The following IGSF21 variants were observed in gnomAD, a reference collection of about 807,000 sequenced individuals.
The protein encoded by IGSF21 is immunoglobulin superfamily member 21.
IGSF21 carries 28 observed loss-of-function variants against 46.8 expected under a neutral mutation model. The observed-to-expected ratio is 0.60, with a 90% confidence interval of 0.44 to 0.82. The LOEUF (loss-of-function observed/expected upper bound fraction) is 0.82, where lower values mean the gene tolerates loss of function less well. Among genes scored for constraint, IGSF21 ranks in the 40% least tolerant of loss-of-function variants. The pLI is 0.00. For missense variants in IGSF21, 624 were observed against 665.5 expected, an observed-to-expected ratio of 0.94 and a Z score of 0.69; for synonymous variants, 284 against 273.6, an observed-to-expected ratio of 1.04 and a Z score of -0.38.
chr1:18,368,533 G>C (rs1226424057), intron 6 of IGSF21, among the ~76,000 whole-genome samples: 2 of 117,056 alleles, frequency 1.7e-5, no homozygotes, highest in Non-Finnish European at 3.7e-5. Flanking sequence ...AAAAAGTTGG[G>C]GGGAAAAAAG....
intron 1 of IGSF21, among the ~76,000 whole-genome samples, chr1:18,176,374 G>A (rs954188419): frequency 1.3e-5 from 2 of 152,216 alleles, no homozygotes; most frequent in African/African-American, 2.4e-5. Context: ...AGGCTCTGGG[G>A]CCAAACAGAC....
At chr1:18,259,622 A>G (rs1200469197) in intron 2 of IGSF21, among the ~76,000 whole-genome samples, 4 of 152,126 alleles carry the variant, frequency 2.6e-5, no homozygotes, top group African/African-American at 7.2e-5. Flanking sequence ...CTGACATTTT[A>G]TATAAAGAAG....
At chr1:18,287,419 C>CA (rs546156330) in intron 2 of IGSF21, among the ~76,000 whole-genome samples, 177 of 147,774 alleles carry the variant, frequency 1.2e-3, no homozygotes, top group African/African-American at 2.1e-3. Context: ...ACAAACAAAA[C>CA]AAAAAAAAAA....
chr1:18,325,356 C>G (rs2085647178), intron 3 of IGSF21, among the ~76,000 whole-genome samples: 1 of 152,074 alleles, frequency 6.6e-6, no homozygotes, highest in Admixed American at 6.5e-5. Context: ...AAGGAGACCA[C>G]CCAGTGTGTC....
chr1:18,314,702 G>A (rs912199330), intron 3 of IGSF21, among the ~76,000 whole-genome samples: 4 of 152,178 alleles, frequency 2.6e-5, no homozygotes, highest in Admixed American at 6.5e-5. Flanking sequence ...CAAAGCCTTC[G>A]TCTTCATCAC....
At chr1:18,320,056 T>C (rs981635424) in intron 3 of IGSF21, among the ~76,000 whole-genome samples, 7 of 152,166 alleles carry the variant, frequency 4.6e-5, no homozygotes, top group Non-Finnish European at 1.0e-4. Context: ...GCTATTGCCT[T>C]CTCAGAGCTG....
At chr1:18,222,275 G>A (rs2084517882) in intron 1 of IGSF21, among the ~76,000 whole-genome samples, 1 of 152,132 alleles carries the variant, frequency 6.6e-6, no homozygotes, top group Admixed American at 6.5e-5. Context: ...TCACTTTGTG[G>A]GTCTCCTGAC....
chr1:18,235,363 A>G (rs904938348), intron 2 of IGSF21, among the ~76,000 whole-genome samples: 1 of 152,212 alleles, frequency 6.6e-6, no homozygotes, highest in Non-Finnish European at 1.5e-5. Flanking sequence ...ACAGTTTACC[A>G]TGGGGGAGGA....
At chr1:18,185,011 A>C (rs1303569062) in intron 1 of IGSF21, among the ~76,000 whole-genome samples, 2 of 152,212 alleles carry the variant, frequency 1.3e-5, no homozygotes, top group Non-Finnish European at 2.9e-5. Flanking sequence ...GACAGCTTCA[A>C]GTAGTATTTG....
At chr1:18,131,198 C>A (rs917282098) in intron 1 of IGSF21, among the ~76,000 whole-genome samples, 9 of 152,200 alleles carry the variant, frequency 5.9e-5, no homozygotes, top group African/African-American at 2.2e-4. Flanking sequence ...ATACCTGAGG[C>A]AGATTTTTGT....
intron 1 of IGSF21, among the ~76,000 whole-genome samples, chr1:18,169,264 C>T (rs894249189): frequency 7.2e-5 from 11 of 152,214 alleles, no homozygotes; most frequent in African/African-American, 1.7e-4. Context: ...CTTTGGCGAG[C>T]GGGATCCAGT....
intron 1 of IGSF21, among the ~76,000 whole-genome samples, chr1:18,211,120 C>T (rs913901055): frequency 6.6e-6 from 1 of 152,222 alleles, no homozygotes; most frequent in African/African-American, 2.4e-5. Context: ...GATCCGCCCT[C>T]CTTGGCCTCC....
chr1:18,154,987 G>C (rs2086555529), intron 1 of IGSF21, among the ~76,000 whole-genome samples: 1 of 151,942 alleles, frequency 6.6e-6, no homozygotes, highest in African/African-American at 2.4e-5. Context: ...GCAAATGGGG[G>C]GCTCACTTAT....
chr1:18,191,709 C>T (rs1163060723), intron 1 of IGSF21, among the ~76,000 whole-genome samples: 1 of 152,104 alleles, frequency 6.6e-6, no homozygotes, highest in Non-Finnish European at 1.5e-5. Context: ...GTGCTGAATT[C>T]CCCTTTTGTC....
intron 1 of IGSF21, among the ~76,000 whole-genome samples, chr1:18,193,445 G>A (rs1392877800): frequency 1.3e-5 from 2 of 152,114 alleles, no homozygotes; most frequent in African/African-American, 2.4e-5. Context: ...ACGATCACAA[G>A]GTCCCACAAT....
intron 1 of IGSF21, among the ~76,000 whole-genome samples, chr1:18,169,184 C>T (rs1368281137): frequency 6.6e-6 from 1 of 152,232 alleles, no homozygotes; most frequent in African/African-American, 2.4e-5. Context: ...GCCCCAATGG[C>T]CCAGGCAGAG....
intron 4 of IGSF21, among the ~76,000 whole-genome samples, chr1:18,349,094 A>G (rs2085924183): frequency 6.6e-6 from 1 of 152,180 alleles, no homozygotes; most frequent in African/African-American, 2.4e-5. Context: ...TAATTCTCAT[A>G]ACAGCTACTG....
At chr1:18,189,351 G>A (rs1268694849) in intron 1 of IGSF21, among the ~76,000 whole-genome samples, 1 of 152,158 alleles carries the variant, frequency 6.6e-6, no homozygotes, top group Non-Finnish European at 1.5e-5. Flanking sequence ...ATTGTGCTGG[G>A]CACCATGGTG....
chr1:18,328,794 C>T (rs1238635270), intron 3 of IGSF21, among the ~76,000 whole-genome samples: 4 of 152,196 alleles, frequency 2.6e-5, no homozygotes, highest in Admixed American at 2.0e-4. Flanking sequence ...GCTCCACCCT[C>T]CCCTCCAGTG....
Sources: allele counts gnomAD v4.1 joint callset (sites outside exome capture counted in the v4.1 genomes callset), GRCh38; gene constraint gnomAD v4.1.1; transcripts MANE v1.5; gene names NCBI Gene and HGNC (gene_info 2026-07-23, HGNC 2026-07-21).